The following DCDC1 variants were observed in gnomAD, a reference collection of about 807,000 sequenced individuals.
DCDC1 encodes the protein doublecortin domain containing 1.
A neutral mutation model predicts 178.3 loss-of-function variants in DCDC1; 200 were observed. That is an observed-to-expected ratio of 1.12 (90% CI 1.00 to 1.26). DCDC1 has a LOEUF of 1.26. Ranked by LOEUF, DCDC1 falls within the 50% of genes most tolerant of loss-of-function variation. DCDC1 has a pLI of 0.00. For missense variants in DCDC1, 1,983 were observed against 1,749.2 expected (o/e 1.13, Z -2.38); for synonymous variants, 690 against 604.8 (o/e 1.14, Z -2.07).
Position 31,137,880 on chromosome 11 carries a change from G to A in DCDC1, c.1222-96C>T, listed in dbSNP as rs75027848. 1.4e-3 allele frequency: 816 copies of A among 575,080 alleles called. 5 individuals are homozygous for A. The highest frequency in any genetic ancestry group is 0.014 in the African/African-American group (710 of 52,502). 35.6% of individuals were successfully genotyped at this position (575,080 alleles called of 1,614,324 possible). Reference sequence around the variant, plus strand: ...ACTAGTTAAGCATAATCATGAATGTGATTTGATATTAATTTTGATGATACG... The same window carrying A: ...ACTAGTTAAGCATAATCATGAATGTAATTTGATATTAATTTTGATGATACG... On this transcript the variant is annotated intron_variant, in intron 9 of 38. Coordinates refer to ENST00000684477, the MANE Select transcript of DCDC1 (RefSeq NM_001387274.1).
chr11:31,241,940 C>G (rs1300405518), intron 8 of DCDC1, among the ~76,000 whole-genome samples: 2 of 151,900 alleles, frequency 1.3e-5, no homozygotes, highest in African/African-American at 4.8e-5. Flanking sequence ...TTGGAACCAA[C>G]CTTGCTGAAA....
intron 26 of DCDC1, 45 bp from the exon 27 acceptor site, chr11:30,915,756 C>T: frequency 1.3e-6 from 2 of 1,565,684 alleles, no homozygotes; most frequent in Non-Finnish European, 1.7e-6. Context: ...ATGTCCCATG[C>T]ACTTGATCAT....
At position 30,957,221 on chromosome 11, in the gene DCDC1, T is replaced by C. The variant is rs528672999; in HGVS notation, c.2592-4653A>G. On this transcript the variant is annotated intron_variant, in intron 20 of 38. Transcript: ENST00000684477. ...TCCCTTCTGCATCATTCCATATGCA[T>C]AATGTCTGACAATCTGACATGGAAA... Among the ~76,000 whole-genome samples, 26 of 152,236 alleles carry C rather than the reference T, an allele frequency of 1.7e-4. 1 individual carries two copies. In the East Asian group the frequency reaches 4.1e-3, roughly 24 times the overall value.
intron 7 of DCDC1, among the ~76,000 whole-genome samples, chr11:31,275,365 G>C (rs1945901160): frequency 6.6e-6 from 1 of 152,132 alleles, no homozygotes; most frequent in East Asian, 1.9e-4. Context: ...CACATGTGTA[G>C]TAACACTGTT....
intron 1 of DCDC1, among the ~76,000 whole-genome samples, chr11:31,345,436 T>G (rs886130208): frequency 1.3e-5 from 2 of 152,176 alleles, no homozygotes; most frequent in Non-Finnish European, 2.9e-5. Flanking sequence ...CTAGAAACTC[T>G]ATCTCCATCA....
chr11:30,974,273 C>CA lies in DCDC1; in HGVS notation c.2592-21706dup, dbSNP rs544088277. Among the ~76,000 whole-genome samples the CA allele has an allele frequency of 9.3e-3, 934 of 100,328 alleles. 8 individuals are homozygous for CA. The highest frequency in any genetic ancestry group is 0.026 in the African/African-American group (732 of 27,686). The allele number at this position is 100,328 out of a possible 152,430, so 65.8% of individuals were successfully genotyped here. A position where few individuals can be genotyped will look rare whatever the true frequency, so the allele number is the denominator to read the frequency against. On this transcript the variant is annotated intron_variant, in intron 20 of 38. Coordinates refer to ENST00000684477, the MANE Select transcript of DCDC1 (RefSeq NM_001387274.1). ...AATTTATGGCAATAAACAGCTGCAT[C>CA]AAAAAAAAAAAAAAGAAAGATTTCA... is the stretch of plus-strand genomic sequence containing the variant.
intron 7 of DCDC1, among the ~76,000 whole-genome samples, chr11:31,279,834 A>C (rs1481796449): frequency 6.6e-6 from 1 of 152,118 alleles, no homozygotes; most frequent in African/African-American, 2.4e-5. Context: ...GTGTATACCT[A>C]AGTAACAAAC....
chr11:30,941,835 T>C (rs1168954318), intron 21 of DCDC1, among the ~76,000 whole-genome samples: 3 of 152,152 alleles, frequency 2.0e-5, no homozygotes, highest in Non-Finnish European at 4.4e-5. Flanking sequence ...ATAAATACCA[T>C]TAATTGCATT....
chr11:31,010,755 C>T (rs1362707557), intron 20 of DCDC1, among the ~76,000 whole-genome samples: 1 of 152,096 alleles, frequency 6.6e-6, no homozygotes, highest in African/African-American at 2.4e-5. Context: ...AAATGTATTC[C>T]ATTTTTAAGT....
At chr11:31,213,208 T>A (rs960606270) in intron 9 of DCDC1, among the ~76,000 whole-genome samples, 3 of 146,576 alleles carry the variant, frequency 2.0e-5, no homozygotes, top group South Asian at 2.2e-4. Flanking sequence ...AAGAAAGGCA[T>A]GTGGCTCTTC....
intron 20 of DCDC1, among the ~76,000 whole-genome samples, chr11:31,007,254 G>GTTTC (rs1277838087): frequency 6.6e-6 from 1 of 152,188 alleles, no homozygotes; most frequent in Non-Finnish European, 1.5e-5. Flanking sequence ...AAAACACAGT[G>GTTTC]TTTCACTCAT....
chr11:31,044,321 C>CA (rs1279836647), intron 20 of DCDC1, among the ~76,000 whole-genome samples: 1 of 151,802 alleles, frequency 6.6e-6, no homozygotes, highest in Non-Finnish European at 1.5e-5. Flanking sequence ...GCTAAAAATA[C>CA]AAAAAATTAG....
chr11:31,125,116 A>G (rs1961410792), intron 11 of DCDC1, among the ~76,000 whole-genome samples: 1 of 152,172 alleles, frequency 6.6e-6, no homozygotes, highest in Non-Finnish European at 1.5e-5. Flanking sequence ...TGGGCAAAGG[A>G]TATGAATAGA....
chr11:31,044,071 C>T (rs1452466493), intron 20 of DCDC1, among the ~76,000 whole-genome samples: 3 of 151,960 alleles, frequency 2.0e-5, no homozygotes, highest in East Asian at 1.9e-4. Flanking sequence ...TATGGCACAG[C>T]GGACCTCAAG....
chr11:30,886,856 A>C (rs976981246), intron 36 of DCDC1, among the ~76,000 whole-genome samples: 2 of 152,196 alleles, frequency 1.3e-5, no homozygotes, highest in South Asian at 4.1e-4. Flanking sequence ...ATCTGAGAGA[A>C]ATTTATGTAG....
chr11:31,191,931 T>C (rs1970178176), intron 9 of DCDC1, among the ~76,000 whole-genome samples: 2 of 152,110 alleles, frequency 1.3e-5, no homozygotes, highest in Admixed American at 1.3e-4. Flanking sequence ...AGAGGCTATA[T>C]TTTAAACTTC....
intron 12 of DCDC1, among the ~76,000 whole-genome samples, chr11:31,108,123 A>G (rs1019519349): frequency 1.3e-5 from 2 of 152,214 alleles, no homozygotes; most frequent in Non-Finnish European, 2.9e-5. Flanking sequence ...TCTTTTGACC[A>G]GAAACTGCAT....
At chr11:30,971,613 T>TTG (rs1483695228) in intron 20 of DCDC1, among the ~76,000 whole-genome samples, 1 of 139,440 alleles carries the variant, frequency 7.2e-6, no homozygotes, top group African/African-American at 2.7e-5. Context: ...GTTTTTTTTT[T>TTG]TTTTTTTTTT....
chr11:31,032,385 T>A (rs997586514), intron 20 of DCDC1, among the ~76,000 whole-genome samples: 3 of 152,190 alleles, frequency 2.0e-5, no homozygotes, highest in Admixed American at 1.3e-4. Flanking sequence ...TTGTATTTCC[T>A]AATGTTTCTG....
Sources: gnomAD v4.1 joint callset for allele counts (sites outside exome capture counted in the v4.1 genomes callset) on GRCh38, gnomAD v4.1.1 for gene constraint, MANE v1.5 for transcripts, NCBI Gene and HGNC (gene_info 2026-07-23, HGNC 2026-07-21) for gene names.